Variants in KLHL7 observed in about 807,000 individuals in gnomAD.
The protein encoded by KLHL7 is kelch-like protein 7.
KLHL7 carries 44 observed loss-of-function variants against 67.4 expected under a neutral mutation model. The ratio of observed to expected loss-of-function variants is 0.65; its 90% confidence interval spans 0.51 to 0.84. KLHL7 has a LOEUF of 0.84. Among genes scored for constraint, KLHL7 ranks in the 40% least tolerant of loss-of-function variants. The pLI is 0.00. For synonymous variants in KLHL7, 252 were observed against 243.3 expected (o/e 1.04, Z -0.33); for missense variants, 362 against 718.1 (o/e 0.50, Z 5.67).
At chr7:23,117,091 T>C (rs995934486) in intron 1 of KLHL7, among the ~76,000 whole-genome samples, 2 of 137,088 alleles carry the variant, frequency 1.5e-5, no homozygotes, top group African/African-American at 5.5e-5. Flanking sequence ...CTTTTTTTTT[T>C]TTTTTTTTTT....
At chr7:23,149,289 A>G (rs10225608) in intron 6 of KLHL7, among the ~76,000 whole-genome samples, 66,703 of 151,924 alleles carry the variant, frequency 0.44, 16,568 homozygotes, top group African/African-American at 0.69. Context: ...CCCCAGCCCT[A>G]TTCTTGGGGA....
intron 1 of KLHL7, among the ~76,000 whole-genome samples, chr7:23,110,461 T>TTGG (rs1325639172): frequency 6.6e-6 from 1 of 152,208 alleles, no homozygotes; most frequent in African/African-American, 2.4e-5. Context: ...GGATTCTTGC[T>TTGG]ATTAGCACTT....
chr7:23,118,801 G>T (rs1204396814), intron 1 of KLHL7, among the ~76,000 whole-genome samples: 1 of 151,964 alleles, frequency 6.6e-6, no homozygotes, highest in African/African-American at 2.4e-5. Flanking sequence ...GCCAGGTGTG[G>T]TAGCTCGTGC....
At chr7:23,164,464 T>C (rs1248336539) in intron 7 of KLHL7, among the ~76,000 whole-genome samples, 1 of 152,232 alleles carries the variant, frequency 6.6e-6, no homozygotes, top group Non-Finnish European at 1.5e-5. Context: ...TGGTATACAG[T>C]TTCTCTAAGA....
intron 1 of KLHL7, among the ~76,000 whole-genome samples, chr7:23,119,357 A>G (rs544838756): frequency 3.9e-5 from 6 of 152,224 alleles, no homozygotes; most frequent in African/African-American, 1.2e-4. Context: ...GGCGTGCGCC[A>G]CCACGTCCAG....
chr7:23,154,599 A>G (rs944782040), intron 7 of KLHL7, among the ~76,000 whole-genome samples: 28 of 152,138 alleles, frequency 1.8e-4, no homozygotes, highest in African/African-American at 6.3e-4. Context: ...GCGCATCAAC[A>G]CAGGAGACCA....
chr7:23,163,809 A>G (rs1276393364), intron 7 of KLHL7, among the ~76,000 whole-genome samples: 1 of 152,148 alleles, frequency 6.6e-6, no homozygotes, highest in Non-Finnish European at 1.5e-5. Flanking sequence ...AGGCTTTCCA[A>G]TTTTCCGCAT....
Position 23,118,021 on chromosome 7 carries a change from G to T in KLHL7, c.121-5756G>T, listed in dbSNP as rs150888471. 2.8e-3 allele frequency: 4,394 copies of T among 1,596,304 alleles called. 7 individuals are homozygous for T. The highest frequency in any genetic ancestry group is 4.3e-3 in the Middle Eastern group (26 of 6,040). ...ATAACAAAGAATAGAACGTGGGGCA[G>T]TTGACTGCATGCCTCTTACTAATGA... On this transcript the variant is annotated intron_variant, in intron 1 of 10. Coordinates refer to ENST00000339077, the MANE Select transcript of KLHL7 (RefSeq NM_001031710.3).
rs991968395 is a variant in KLHL7 at position 23,176,074 on chromosome 7, T to G, written c.*1776T>G. On this transcript the variant is annotated 3_prime_UTR_variant, in exon 11 of 11. Transcript: ENST00000339077. ...ATCACCCCAAAAAGAAACCTTGTAC[T>G]GATTAGCAATGGTTCCCTATTTCCC... The G allele has an allele frequency of 1.3e-5, 2 of 152,100 alleles. No homozygotes were observed. Among genetic ancestry groups the G allele is most frequent in the South Asian group, 4.2e-4 (2 of 4,814 alleles). The allele number at this position is 152,100 out of a possible 1,614,324, so 9.4% of individuals were successfully genotyped here.
rs1583747144 is a variant in KLHL7 at position 23,175,882 on chromosome 7, A to T, written c.*1584A>T. 6.7e-6 allele frequency: 1 copy of T among 149,338 alleles called. No individual in the cohort carries two copies. The highest frequency in any genetic ancestry group is 1.5e-5 in the Non-Finnish European group (1 of 68,654). The allele number at this position is 149,338 out of a possible 1,614,324, so 9.3% of individuals were successfully genotyped here. A position where few individuals can be genotyped will look rare whatever the true frequency, so the allele number is the denominator to read the frequency against. ...AGACTGAGGCAGGAGGATTGCTTGAACCTGACAGGCAGAGGTTGCAGTGAG... is the reference window on the plus strand; with the variant it reads ...AGACTGAGGCAGGAGGATTGCTTGATCCTGACAGGCAGAGGTTGCAGTGAG... On this transcript the variant is annotated 3_prime_UTR_variant, in exon 11 of 11. Transcript: ENST00000339077.
At chr7:23,113,743 T>C (rs1400100742) in intron 1 of KLHL7, among the ~76,000 whole-genome samples, 1 of 152,154 alleles carries the variant, frequency 6.6e-6, no homozygotes, top group Non-Finnish European at 1.5e-5. Flanking sequence ...TGAGAATCGA[T>C]TGAACCCAGG....
intron 9 of KLHL7, 75 bp downstream of exon 9, chr7:23,168,112 A>G: frequency 3.5e-6 from 5 of 1,413,028 alleles, no homozygotes; most frequent in Non-Finnish European, 5.0e-6. Context: ...AAAAGACCAG[A>G]GGAACCCAAC....
chr7:23,150,989 T>A (rs998745090), intron 6 of KLHL7, among the ~76,000 whole-genome samples: 5 of 152,020 alleles, frequency 3.3e-5, no homozygotes, highest in African/African-American at 4.8e-5. Flanking sequence ...ATAGTATTTT[T>A]TATTATTTAT....
chr7:23,128,858 T>C (rs1367235549), intron 4 of KLHL7, among the ~76,000 whole-genome samples: 1 of 152,202 alleles, frequency 6.6e-6, no homozygotes, highest in Non-Finnish European at 1.5e-5. Flanking sequence ...GCCCTTTGTG[T>C]CTGGCCTCTT....
chr7:23,109,639 G>T (rs763953550), intron 1 of KLHL7, among the ~76,000 whole-genome samples: 1 of 152,148 alleles, frequency 6.6e-6, no homozygotes, highest in Non-Finnish European at 1.5e-5. Flanking sequence ...AAATGACTTT[G>T]CTTCTGTATT....
intron 10 of KLHL7, among the ~76,000 whole-genome samples, chr7:23,173,799 C>CA (rs1785229800): frequency 6.6e-6 from 1 of 152,008 alleles, no homozygotes; most frequent in Non-Finnish European, 1.5e-5. Flanking sequence ...AGAAAAAAAT[C>CA]AATATTTAAA....
intron 4 of KLHL7, chr7:23,126,067 C>T (rs1562560872): frequency 3.1e-6 from 2 of 635,806 alleles, no homozygotes; most frequent in Admixed American, 2.2e-5. Flanking sequence ...CATCACTACT[C>T]TTATATTTTG....
At chr7:23,134,375 C>T (rs1783903241) in intron 4 of KLHL7, among the ~76,000 whole-genome samples, 1 of 152,220 alleles carries the variant, frequency 6.6e-6, no homozygotes, top group South Asian at 2.1e-4. Flanking sequence ...AGGATTTTTG[C>T]ATCAATGTTC....
At chr7:23,106,231 C>T (rs1782631571) in intron 1 of KLHL7, 85 bp downstream of exon 1, 2 of 1,557,206 alleles carry the variant, frequency 1.3e-6, no homozygotes, top group Non-Finnish European at 1.7e-6. Context: ...ACCCCGCGCC[C>T]TGTGGATCGC....
Sources: gnomAD v4.1 joint callset for allele counts (sites outside exome capture counted in the v4.1 genomes callset) on GRCh38, gnomAD v4.1.1 for gene constraint, MANE v1.5 for transcripts, NCBI Gene and HGNC (gene_info 2026-07-23, HGNC 2026-07-21) for gene names.